Variants in CCSER1 observed in about 807,000 individuals in gnomAD.
The protein encoded by CCSER1 is coiled-coil serine rich protein 1.
CCSER1 carries 41 observed loss-of-function variants against 82.0 expected under a neutral mutation model. That is an observed-to-expected ratio of 0.50 (90% CI 0.39 to 0.65). The LOEUF is 0.65. Among genes scored for constraint, CCSER1 ranks in the 30% least tolerant of loss-of-function variants. The probability of loss-of-function intolerance (pLI) is 0.00; values close to 1 mark genes in which losing one functional copy is unlikely to be tolerated. For missense variants in CCSER1, 1,119 were observed against 1,064.2 expected (o/e 1.05, Z -0.72); for synonymous variants, 414 against 383.9 (o/e 1.08, Z -0.92).
At chr4:91,247,873 AAAC>A (rs1467868428) in intron 10 of CCSER1, among the ~76,000 whole-genome samples, 11 of 152,280 alleles carry the variant, frequency 7.2e-5, no homozygotes, top group East Asian at 1.9e-4. Flanking sequence ...GTCTCAAAAA[AAAC>A]AACAACAGAA....
intron 8 of CCSER1, among the ~76,000 whole-genome samples, chr4:90,823,239 A>T (rs77438733): frequency 0.018 from 2,804 of 152,262 alleles, 85 homozygotes; most frequent in African/African-American, 0.064. Context: ...ATACACACAC[A>T]CACACATTTT....
At chr4:90,175,970 A>T (rs1455254599) in intron 1 of CCSER1, among the ~76,000 whole-genome samples, 1 of 151,982 alleles carries the variant, frequency 6.6e-6, no homozygotes, top group Non-Finnish European at 1.5e-5. Flanking sequence ...AGATGAATGG[A>T]GGTGGGTATG....
chr4:91,388,472 A>G (rs1751443752), intron 10 of CCSER1, among the ~76,000 whole-genome samples: 1 of 152,110 alleles, frequency 6.6e-6, no homozygotes, highest in Admixed American at 6.6e-5. Flanking sequence ...ACTTTGTAAG[A>G]AACTGAAAAA....
intron 9 of CCSER1, among the ~76,000 whole-genome samples, chr4:90,969,352 G>A (rs777215488): frequency 1.1e-4 from 17 of 151,798 alleles, no homozygotes; most frequent in South Asian, 2.1e-4. Flanking sequence ...CAAGACACAC[G>A]ATAAAAATAT....
At chr4:91,153,528 A>G (rs1397511592) in intron 10 of CCSER1, among the ~76,000 whole-genome samples, 2 of 151,994 alleles carry the variant, frequency 1.3e-5, no homozygotes, top group South Asian at 2.1e-4. Flanking sequence ...TGTCAAAGTC[A>G]TTCTCCATCC....
chr4:90,204,094 CT>C (rs1223184633), intron 1 of CCSER1, among the ~76,000 whole-genome samples: 1 of 152,056 alleles, frequency 6.6e-6, no homozygotes, highest in African/African-American at 2.4e-5. Context: ...GATATTGGCC[CT>C]TTGTCAGATG....
At chr4:91,250,168 C>T (rs567946492) in intron 10 of CCSER1, among the ~76,000 whole-genome samples, 235 of 152,052 alleles carry the variant, frequency 1.5e-3, no homozygotes, top group African/African-American at 5.5e-3. Context: ...ACACCTTTCA[C>T]ACATCTGTGA....
At chr4:90,767,434 C>T (rs376515535) in intron 7 of CCSER1, among the ~76,000 whole-genome samples, 8 of 152,176 alleles carry the variant, frequency 5.3e-5, no homozygotes, top group Non-Finnish European at 7.4e-5. Flanking sequence ...TTACCTTTGA[C>T]CTTTTTCTCA....
At chr4:91,117,432 T>C (rs960447207) in intron 10 of CCSER1, among the ~76,000 whole-genome samples, 2 of 152,212 alleles carry the variant, frequency 1.3e-5, no homozygotes, top group African/African-American at 2.4e-5. Context: ...TCAGGGTTAT[T>C]GTAGATTAAG....
chr4:91,048,680 A>G (rs1742733424), intron 9 of CCSER1, among the ~76,000 whole-genome samples: 1 of 152,174 alleles, frequency 6.6e-6, no homozygotes, highest in Non-Finnish European at 1.5e-5. Flanking sequence ...CATGATCGGC[A>G]TATGGCTTCC....
chr4:91,545,702 T>A (rs1333532061), intron 10 of CCSER1, among the ~76,000 whole-genome samples: 2 of 152,100 alleles, frequency 1.3e-5, no homozygotes, highest in Non-Finnish European at 2.9e-5. Flanking sequence ...TTTTTTAGAT[T>A]TACTCCGTAG....
At chr4:90,416,737 ATGT>A (rs1240095287) in intron 4 of CCSER1, among the ~76,000 whole-genome samples, 1 of 152,166 alleles carries the variant, frequency 6.6e-6, no homozygotes, top group Non-Finnish European at 1.5e-5. Context: ...TCTGATTTAA[ATGT>A]TATTATCTAA....
chr4:90,610,252 CAAATAAATAAATAAATAAAT>C (rs201777020), intron 5 of CCSER1, among the ~76,000 whole-genome samples: 80 of 136,012 alleles, frequency 5.9e-4, no homozygotes, highest in Non-Finnish European at 9.9e-4. Flanking sequence ...GACTCCATCT[CAAATAAATAAATAAATAAAT>C]AAATAAATAA....
At chr4:91,142,587 A>G (rs575212000) in intron 10 of CCSER1, among the ~76,000 whole-genome samples, 1 of 152,290 alleles carries the variant, frequency 6.6e-6, no homozygotes, top group Admixed American at 6.5e-5. Context: ...CAGGATTTTC[A>G]TAGTTCAAGG....
intron 1 of CCSER1, among the ~76,000 whole-genome samples, chr4:90,258,401 A>G (rs952764646): frequency 6.6e-6 from 1 of 152,084 alleles, no homozygotes; most frequent in Non-Finnish European, 1.5e-5. Context: ...AATCCCAGCT[A>G]CTCGGGAGAC....
At chr4:90,889,095 A>G (rs1580944758) in intron 8 of CCSER1, among the ~76,000 whole-genome samples, 1 of 152,198 alleles carries the variant, frequency 6.6e-6, no homozygotes, top group African/African-American at 2.4e-5. Flanking sequence ...AAAAAGTTGT[A>G]TCAACATCAC....
Position 91,192,628 on chromosome 4 carries a change from T to C in CCSER1, c.2217+106634T>C, listed in dbSNP as rs1345741987. 2.0e-5 allele frequency among the ~76,000 whole-genome samples: 3 copies of C among 152,192 alleles called. No individual in the cohort carries two copies. The East Asian group carries it at 5.8e-4, about 29-fold the overall frequency. On this transcript the variant is annotated intron_variant, in intron 10 of 10. Transcript: ENST00000509176. ...TCCCATATCATTTCCTCTTTGCCCC[T>C]CTCCTTGGAAGAACCTTGATTTAGC...
chr4:90,768,708 A>G (rs1308563482), intron 7 of CCSER1, among the ~76,000 whole-genome samples: 4 of 152,346 alleles, frequency 2.6e-5, no homozygotes, highest in African/African-American at 9.6e-5. Context: ...ATATAGTATC[A>G]GAAAGTTTAA....
chr4:91,159,510 T>C (rs1292499635), intron 10 of CCSER1, among the ~76,000 whole-genome samples: 1 of 151,942 alleles, frequency 6.6e-6, no homozygotes, highest in Non-Finnish European at 1.5e-5. Context: ...TTTGGAAACA[T>C]AAATATTAAT....
Sources: gnomAD v4.1 joint callset for allele counts (sites outside exome capture counted in the v4.1 genomes callset) on GRCh38, gnomAD v4.1.1 for gene constraint, MANE v1.5 for transcripts, NCBI Gene and HGNC (gene_info 2026-07-23, HGNC 2026-07-21) for gene names.